Variants in COL26A1 observed in about 807,000 individuals in gnomAD.
COL26A1 encodes collagen alpha-1(XXVI) chain.
Under a neutral mutation model 59.3 loss-of-function variants are expected in COL26A1, and 41 were observed. The observed-to-expected ratio is 0.69, with a 90% CI of 0.54 to 0.90. The LOEUF is 0.90. Ranked by LOEUF, COL26A1 falls within the 40% of genes least tolerant of loss-of-function variation. The pLI, the probability that COL26A1 is intolerant of heterozygous loss-of-function variation, is 0.00. For synonymous variants in COL26A1, 266 were observed against 256.0 expected (o/e 1.04, Z -0.37); for missense variants, 612 against 602.3 (o/e 1.02, Z -0.17).
chr7:101,373,312 C>T (rs918612701), intron 1 of COL26A1, among the ~76,000 whole-genome samples: 25 of 152,312 alleles, frequency 1.6e-4, no homozygotes, highest in Middle Eastern at 3.4e-3. Context: ...TGGGGGACAC[C>T]AAGGAGCCTG....
At chr7:101,555,730 T>G in intron 11 of COL26A1, 57 bp from the exon 12 acceptor site, 1 of 1,329,694 alleles carries the variant, frequency 7.5e-7, no homozygotes, top group Non-Finnish European at 1.1e-6. Flanking sequence ...TGTATCAGGA[T>G]GGCCCTGACC....
At chr7:101,434,908 T>TTCA (rs56708615) in intron 2 of COL26A1, among the ~76,000 whole-genome samples, 111,086 of 151,832 alleles carry the variant, frequency 0.73, 41,742 homozygotes, top group African/African-American at 0.91. Flanking sequence ...GGAGGACATG[T>TTCA]TCAAAGATTC....
chr7:101,540,536 C>CT (rs1434840729), intron 5 of COL26A1, among the ~76,000 whole-genome samples: 40 of 102,482 alleles, frequency 3.9e-4, no homozygotes, highest in African/African-American at 1.6e-3. Flanking sequence ...AAAATTCCGT[C>CT]TAAAAAAAAA....
At chr7:101,493,649 G>A (rs1794516149) in intron 3 of COL26A1, among the ~76,000 whole-genome samples, 1 of 151,616 alleles carries the variant, frequency 6.6e-6, no homozygotes, top group South Asian at 2.1e-4. Flanking sequence ...ATGGCCGGGC[G>A]CGGTAGCTCA....
At position 101,502,348 on chromosome 7, in the gene COL26A1, CAACAACAACA is replaced by C. The variant is rs375170296; in HGVS notation, c.386-30722_386-30713del. ...CAGAGCAAGACTCAGTCTCAAACAACAACAACAACAAACAACAACAACAACAAAAACCAGC... is the reference window on the plus strand; with the variant it reads ...CAGAGCAAGACTCAGTCTCAAACAACAACAACAACAACAACAAAAACCAGC... On this transcript the variant is annotated intron_variant, in intron 3 of 12. Coordinates refer to ENST00000313669, the MANE Select transcript of COL26A1 (RefSeq NM_001278563.3). 3.0e-3 allele frequency among the ~76,000 whole-genome samples: 452 copies of C among 152,226 alleles called. 2 individuals are homozygous for C. Among genetic ancestry groups the C allele is most frequent in the African/African-American group, 0.01 (418 of 41,550 alleles).
At chr7:101,375,402 C>G (rs1791291209) in intron 1 of COL26A1, among the ~76,000 whole-genome samples, 1 of 151,864 alleles carries the variant, frequency 6.6e-6, no homozygotes, top group Non-Finnish European at 1.5e-5. Context: ...ATTTCACAAA[C>G]ATAGGAAGCA....
At chr7:101,378,457 GGTTGCA>G (rs1791369687) in intron 1 of COL26A1, among the ~76,000 whole-genome samples, 1 of 152,162 alleles carries the variant, frequency 6.6e-6, no homozygotes, top group Non-Finnish European at 1.5e-5. Flanking sequence ...GGGAGGCAGA[GGTTGCA>G]GTGAGCTGAG....
intron 3 of COL26A1, among the ~76,000 whole-genome samples, chr7:101,450,968 AT>A (rs199913184): frequency 0.058 from 8,411 of 145,292 alleles, 310 homozygotes; most frequent in East Asian, 0.14. Context: ...GATAATAAAT[AT>A]TATCAAATAA....
intron 3 of COL26A1, among the ~76,000 whole-genome samples, chr7:101,473,146 C>T (rs566046469): frequency 4.6e-5 from 7 of 151,566 alleles, no homozygotes; most frequent in Non-Finnish European, 1.0e-4. Context: ...GTGGCACAAT[C>T]TCTGCTCACT....
chr7:101,418,662 C>T (rs773378836), intron 1 of COL26A1, among the ~76,000 whole-genome samples: 2 of 151,510 alleles, frequency 1.3e-5, no homozygotes, highest in Non-Finnish European at 2.9e-5. Flanking sequence ...GATGGGGTCT[C>T]GCTATGTTGC....
At position 101,436,789 on chromosome 7, in the gene COL26A1, C is replaced by T. The variant is rs189315351; in HGVS notation, c.282-10895C>T. On this transcript the variant is annotated intron_variant, in intron 2 of 12. Coordinates refer to ENST00000313669, the MANE Select transcript of COL26A1 (RefSeq NM_001278563.3). ...GGAGTGCAGTGGCACAATCTCTGCT[C>T]ACTGCAACCTCCACCTCCTGATTTC... Among the ~76,000 whole-genome samples, 416 of 151,848 alleles carry T rather than the reference C, an allele frequency of 2.7e-3. 3 individuals are homozygous for T. Among genetic ancestry groups the T allele is most frequent in the African/African-American group, 9.4e-3 (388 of 41,376 alleles).
At chr7:101,454,268 C>CTTTTTTTTTTTTTTTTTT (rs58969139) in intron 3 of COL26A1, among the ~76,000 whole-genome samples, 8 of 137,346 alleles carry the variant, frequency 5.8e-5, no homozygotes, top group Non-Finnish European at 9.3e-5. Context: ...TCTTTTCTTT[C>CTTTTTTTTTTTTTTTTTT]TTTTTTTTTT....
intron 11 of COL26A1, among the ~76,000 whole-genome samples, chr7:101,554,452 A>T (rs1795923965): frequency 6.6e-6 from 1 of 151,820 alleles, no homozygotes; most frequent in Admixed American, 6.6e-5. Context: ...CCTCCATTTC[A>T]TAACAGCAAC....
intron 3 of COL26A1, among the ~76,000 whole-genome samples, chr7:101,463,218 T>G (rs1333480140): frequency 6.6e-6 from 1 of 152,226 alleles, no homozygotes; most frequent in Admixed American, 6.5e-5. Context: ...CCCTTTTTCA[T>G]CTTGCAAATT....
At chr7:101,486,662 G>A (rs942923224) in intron 3 of COL26A1, among the ~76,000 whole-genome samples, 17 of 152,328 alleles carry the variant, frequency 1.1e-4, no homozygotes, top group Admixed American at 7.2e-4. Flanking sequence ...TCCACATCCC[G>A]GTGGAACGGA....
upstream of COL26A1, chr7:101,362,870 TG>T: frequency 1.5e-6 from 1 of 654,708 alleles, no homozygotes; most frequent in South Asian, 2.1e-5. Context: ...CGGAGAGGCG[TG>T]GGCGCCCCCC....
chr7:101,514,667 C>G (rs1048908056), intron 3 of COL26A1, among the ~76,000 whole-genome samples: 2 of 152,218 alleles, frequency 1.3e-5, no homozygotes, highest in Non-Finnish European at 2.9e-5. Flanking sequence ...CCCTCCAAGA[C>G]AGCTAGATGT....
intron 1 of COL26A1, among the ~76,000 whole-genome samples, chr7:101,418,885 C>T (rs1358390415): frequency 6.6e-6 from 1 of 152,048 alleles, no homozygotes. Context: ...GCTTGCTGCC[C>T]CTTGCTTCTT....
At chr7:101,471,593 TTTTTG>T (rs1793906626) in intron 3 of COL26A1, among the ~76,000 whole-genome samples, 1 of 114,866 alleles carries the variant, frequency 8.7e-6, no homozygotes, top group African/African-American at 3.0e-5. Context: ...TTTTTTTTTT[TTTTTG>T]AGACAGAGTC....
Sources: allele counts gnomAD v4.1 joint callset (sites outside exome capture counted in the v4.1 genomes callset), GRCh38; gene constraint gnomAD v4.1.1; transcripts MANE v1.5; gene names NCBI Gene and HGNC (gene_info 2026-07-23, HGNC 2026-07-21).